Variants in TTC6 observed in about 807,000 individuals in gnomAD.
The protein encoded by TTC6 is tetratricopeptide repeat protein 6.
A neutral mutation model predicts 210.4 loss-of-function variants in TTC6; 172 were observed. The ratio of observed to expected loss-of-function variants is 0.82; its 90% CI spans 0.72 to 0.93. The LOEUF is 0.93. TTC6 is among the 40% of genes least tolerant of loss of function. The pLI is 0.00. For synonymous variants in TTC6, 804 were observed against 819.6 expected (o/e 0.98, Z 0.32); for missense variants, 2,414 against 2,318.1 (o/e 1.04, Z -0.85).
chr14:37,694,231 A>T (rs2095810103), intron 3 of TTC6, among the ~76,000 whole-genome samples: 1 of 152,212 alleles, frequency 6.6e-6, no homozygotes, highest in Non-Finnish European at 1.5e-5. Context: ...AATAACCAGG[A>T]TATATGAGGA....
intron 4 of TTC6, among the ~76,000 whole-genome samples, chr14:37,697,722 A>G (rs977953745): frequency 6.6e-6 from 1 of 152,196 alleles, no homozygotes; most frequent in African/African-American, 2.4e-5. Context: ...GCTTATCTGC[A>G]TTGCTTTAAG....
intron 27 of TTC6, among the ~76,000 whole-genome samples, chr14:37,824,241 A>G (rs1001453506): frequency 1.3e-5 from 2 of 152,118 alleles, no homozygotes; most frequent in Admixed American, 1.3e-4. Context: ...CTCCTCACTT[A>G]CAAACAACTT....
At chr14:37,841,319 A>G in intron 29 of TTC6, 126 bp from the exon 32 acceptor site, 1 of 787,964 alleles carries the variant, frequency 1.3e-6, no homozygotes, top group Non-Finnish European at 2.0e-6. Context: ...TGTACCTGGG[A>G]TGAAATGCTT....
At chr14:37,619,036 T>G (rs1234779993), upstream of TTC6, among the ~76,000 whole-genome samples, 1 of 152,140 alleles carries the variant, frequency 6.6e-6, no homozygotes, top group African/African-American at 2.4e-5. Flanking sequence ...TTGCCACCTG[T>G]GCAAACAATA....
intron 14 of TTC6, among the ~76,000 whole-genome samples, chr14:37,756,861 C>A (rs118045396): frequency 0.13 from 19,721 of 152,130 alleles, 1,659 homozygotes; most frequent in Non-Finnish European, 0.2. Context: ...ATACTGTCCT[C>A]ATAAAATGAG....
intron 1 of TTC6, among the ~76,000 whole-genome samples, chr14:37,623,628 A>C (rs890761653): frequency 6.6e-6 from 1 of 152,236 alleles, no homozygotes; most frequent in Non-Finnish European, 1.5e-5. Context: ...TACTAATAAA[A>C]GTCCTGTCTG....
At chr14:37,660,699 A>G (rs1365049889) in intron 1 of TTC6, among the ~76,000 whole-genome samples, 1 of 152,172 alleles carries the variant, frequency 6.6e-6, no homozygotes, top group Admixed American at 6.5e-5. Context: ...TGCTTTGGGT[A>G]TATACCTCAT....
chr14:37,652,575 A>C (rs893696565), intron 1 of TTC6, among the ~76,000 whole-genome samples: 1 of 152,214 alleles, frequency 6.6e-6, no homozygotes, highest in African/African-American at 2.4e-5. Flanking sequence ...ATCATATAGT[A>C]TGACTAGGCT....
chr14:37,702,644 A>G (rs2095827750), intron 5 of TTC6, among the ~76,000 whole-genome samples: 1 of 152,172 alleles, frequency 6.6e-6, no homozygotes, highest in Admixed American at 6.6e-5. Flanking sequence ...TAGTATTATA[A>G]TTTAACTATC....
rs564693755 is a variant in TTC6, at chr14:37,795,155, T to C, written c.3709-115T>C. On this transcript the variant is annotated intron_variant, in intron 17 of 30. Transcript: ENST00000553443. ...GCTTTGTAGATTCTTAAGAAAAACA[T>C]GTATGTTAGGAGATGTCCCTGCAAA... is the stretch of plus-strand genomic sequence containing the variant. The C allele has an allele frequency of 8.9e-4, 466 of 526,534 alleles. 3 individuals carry two copies. Among genetic ancestry groups the C allele is most frequent in the African/African-American group, 8.3e-3 (422 of 51,130 alleles). The allele number at this position is 526,534 out of a possible 1,614,324, so 32.6% of individuals were successfully genotyped here.
chr14:37,761,011 C>T (rs1353826859), intron 14 of TTC6, among the ~76,000 whole-genome samples: 1 of 152,094 alleles, frequency 6.6e-6, no homozygotes. Flanking sequence ...GCCCCCTTTC[C>T]AGGGGAGTAA....
intron 1 of TTC6, among the ~76,000 whole-genome samples, chr14:37,656,540 T>TGC (rs1491014494): frequency 7.1e-6 from 1 of 140,660 alleles, no homozygotes; most frequent in African/African-American, 2.7e-5. Context: ...TGTGTGTGTG[T>TGC]GCGTGTGTGT....
intron 14 of TTC6, among the ~76,000 whole-genome samples, chr14:37,754,332 C>T (rs2095961225): frequency 6.6e-6 from 1 of 152,070 alleles, no homozygotes; most frequent in South Asian, 2.1e-4. Context: ...GTGAGAACAT[C>T]CGGTGTTTGG....
chr14:37,643,576 G>GT (rs2095696217), intron 1 of TTC6, among the ~76,000 whole-genome samples: 2 of 152,098 alleles, frequency 1.3e-5, no homozygotes, highest in African/African-American at 2.4e-5. Flanking sequence ...AGTCTTGGTA[G>GT]TAAGTAAAAT....
At chr14:37,673,617 A>G (rs1420980654) in intron 1 of TTC6, among the ~76,000 whole-genome samples, 1 of 152,130 alleles carries the variant, frequency 6.6e-6, no homozygotes, top group African/African-American at 2.4e-5. Flanking sequence ...CCACAGGAAC[A>G]CTGCGGCTTC....
At chr14:37,770,922 G>A (rs1326885980) in intron 14 of TTC6, among the ~76,000 whole-genome samples, 1 of 145,254 alleles carries the variant, frequency 6.9e-6, no homozygotes, top group Admixed American at 7.1e-5. Flanking sequence ...ATTTTGGCAT[G>A]ATTTTGCAGC....
intron 1 of TTC6, among the ~76,000 whole-genome samples, chr14:37,657,058 A>G (rs926919415): frequency 6.6e-6 from 1 of 151,846 alleles, no homozygotes; most frequent in Non-Finnish European, 1.5e-5. Flanking sequence ...AAAAATACTA[A>G]AAAATTAGCC....
chr14:37,719,018 A>C (rs2138788799), intron 6 of TTC6, among the ~76,000 whole-genome samples: 1 of 152,248 alleles, frequency 6.6e-6, no homozygotes, highest in African/African-American at 2.4e-5. Context: ...ACAAGATACA[A>C]AAAAAACCAT....
chr14:37,776,882 G>C (rs2096039384), intron 14 of TTC6, among the ~76,000 whole-genome samples: 1 of 151,870 alleles, frequency 6.6e-6, no homozygotes, highest in East Asian at 1.9e-4. Flanking sequence ...GGGCGCAAGA[G>C]TGAAACTCCA....
Sources: gnomAD v4.1 joint callset for allele counts (sites outside exome capture counted in the v4.1 genomes callset) on GRCh38, gnomAD v4.1.1 for gene constraint, MANE v1.5 for transcripts, NCBI Gene and HGNC (gene_info 2026-07-23, HGNC 2026-07-21) for gene names.